The following RYR2 variants were observed in gnomAD, a reference collection of about 807,000 sequenced individuals.
RYR2 encodes the protein ryanodine receptor 2.
A neutral mutation model predicts 601.1 loss-of-function variants in RYR2; 227 were observed. The observed-to-expected ratio is 0.38, with a 90% CI of 0.34 to 0.42. RYR2 has a LOEUF of 0.42. RYR2 is among the 10% of genes least tolerant of loss of function. The pLI is 1.00. For missense variants in RYR2, 4,646 were observed against 6,156.5 expected, an observed-to-expected ratio of 0.75 and a Z score of 8.21; for synonymous variants, 2,223 against 2,175.1, an observed-to-expected ratio of 1.02 and a Z score of -0.61.
chr1:237,238,934 CT>C (rs1685870214), intron 1 of RYR2, among the ~76,000 whole-genome samples: 1 of 152,134 alleles, frequency 6.6e-6, no homozygotes, highest in Non-Finnish European at 1.5e-5. Flanking sequence ...AATGATTGTT[CT>C]ATACCAGTCA....
chr1:237,593,091 T>A (rs1219783049), intron 32 of RYR2, among the ~76,000 whole-genome samples: 1 of 152,120 alleles, frequency 6.6e-6, no homozygotes, highest in Non-Finnish European at 1.5e-5. Context: ...AGCTTCCCTA[T>A]GCTTAATGGA....
chr1:237,671,858 C>T (rs1179474971), intron 58 of RYR2, among the ~76,000 whole-genome samples: 3 of 151,988 alleles, frequency 2.0e-5, no homozygotes, highest in Non-Finnish European at 4.4e-5. Context: ...TGTTATTTTC[C>T]CACTGCCACT....
At chr1:237,602,667 C>A (rs66837875) in intron 35 of RYR2, among the ~76,000 whole-genome samples, 41,458 of 151,724 alleles carry the variant, frequency 0.27, 6,055 homozygotes, top group East Asian at 0.6. Flanking sequence ...TTCAGTGTAA[C>A]CGTAACAAAG....
intron 1 of RYR2, among the ~76,000 whole-genome samples, chr1:237,050,423 C>T (rs1034097516): frequency 2.0e-5 from 3 of 152,186 alleles, no homozygotes; most frequent in Non-Finnish European, 2.9e-5. Flanking sequence ...AGGGGAAACC[C>T]GCATGTGGTC....
Position 237,594,899 on chromosome 1 carries a change from T to TG in RYR2, c.4437-599_4437-598insG, listed in dbSNP as rs1675671451. Among the ~76,000 whole-genome samples, 222 of 23,406 alleles carry TG rather than the reference T, an allele frequency of 9.5e-3. 2 individuals carry two copies. The highest frequency in any genetic ancestry group is 0.013 in the African/African-American group (202 of 15,602). The allele number at this position is 23,406 out of a possible 152,430, so 15.4% of individuals were successfully genotyped here. A position where few individuals can be genotyped will look rare whatever the true frequency, so the allele number is the denominator to read the frequency against. Reference sequence around the variant, plus strand: ...TAATATCACTGGGTTTTTTTTTTTTTTTTTTTTTTTTTTTTTTTTTTTTTT... The same window carrying TG: ...TAATATCACTGGGTTTTTTTTTTTTTGTTTTTTTTTTTTTTTTTTTTTTTTT... On this transcript the variant is annotated intron_variant, in intron 33 of 104. Transcript: ENST00000366574.
chr1:237,809,634 A>G (rs930644082), intron 100 of RYR2, among the ~76,000 whole-genome samples: 1 of 152,176 alleles, frequency 6.6e-6, no homozygotes, highest in African/African-American at 2.4e-5. Flanking sequence ...GACAAAATAT[A>G]TATCACTAGC....
At position 237,773,468 on chromosome 1, in the gene RYR2, G is replaced by A. The variant is rs143649048; in HGVS notation, c.11647-52G>A. The A allele has an allele frequency of 1.8e-3, 2,553 of 1,394,086 alleles. 28 individuals carry two copies. In the African/African-American group the frequency reaches 0.028, roughly 15 times the overall value. The allele number at this position is 1,394,086 out of a possible 1,614,324, so 86.4% of individuals were successfully genotyped here. On this transcript the variant is annotated intron_variant, in intron 86 of 104. Coordinates refer to ENST00000366574, the MANE Select transcript of RYR2 (RefSeq NM_001035.3). ...TAAAGTCCAAGACTGGTTAGTCAATGGTAACTTTAGAATGTGACTTGATAA... is the reference window on the plus strand; with the variant it reads ...TAAAGTCCAAGACTGGTTAGTCAATAGTAACTTTAGAATGTGACTTGATAA...
intron 1 of RYR2, among the ~76,000 whole-genome samples, chr1:237,175,164 A>G (rs1006818510): frequency 6.6e-6 from 1 of 152,220 alleles, no homozygotes; most frequent in Non-Finnish European, 1.5e-5. Context: ...TCTCATTAGC[A>G]TTATATTTTA....
At chr1:237,440,342 C>T (rs149522561) in intron 12 of RYR2, among the ~76,000 whole-genome samples, 47 of 151,960 alleles carry the variant, frequency 3.1e-4, no homozygotes, top group African/African-American at 8.4e-4. Context: ...ATAGAAGACA[C>T]GTAAAGTAAA....
intron 63 of RYR2, among the ~76,000 whole-genome samples, chr1:237,695,306 C>T (rs903652034): frequency 2.6e-5 from 4 of 151,950 alleles, no homozygotes; most frequent in Admixed American, 2.6e-4. Flanking sequence ...TAATTATGTA[C>T]TTTTTATGTT....
intron 1 of RYR2, among the ~76,000 whole-genome samples, chr1:237,084,408 G>A (rs1666077113): frequency 6.6e-6 from 1 of 152,178 alleles, no homozygotes; most frequent in African/African-American, 2.4e-5. Flanking sequence ...AGGGTATTAT[G>A]GAAATTGAAT....
At chr1:237,133,384 T>G (rs558351958) in intron 1 of RYR2, among the ~76,000 whole-genome samples, 1 of 152,134 alleles carries the variant, frequency 6.6e-6, no homozygotes, top group Non-Finnish European at 1.5e-5. Flanking sequence ...CCTTTCTTAC[T>G]TGATATGAAT....
intron 2 of RYR2, among the ~76,000 whole-genome samples, chr1:237,328,582 C>A (rs890773953): frequency 6.6e-6 from 1 of 151,258 alleles, no homozygotes; most frequent in Non-Finnish European, 1.5e-5. Flanking sequence ...ATGGCAGAAG[C>A]CAGAGAAGGA....
At chr1:237,761,163 A>ATG (rs1260578703) in intron 84 of RYR2, 135 bp downstream of exon 84, 5 of 649,170 alleles carry the variant, frequency 7.7e-6, no homozygotes, top group Non-Finnish European at 1.4e-5. Context: ...ACTCATTTCA[A>ATG]AGTTCATAGT....
At chr1:237,044,113 T>C (rs74146691) in intron 1 of RYR2, among the ~76,000 whole-genome samples, 11,666 of 152,180 alleles carry the variant, frequency 0.077, 1,362 homozygotes, top group African/African-American at 0.25. Context: ...GCCTCTTCAC[T>C]AATACCTTGG....
At chr1:237,204,486 CAAAACAAAAACA>C (rs1271197563) in intron 1 of RYR2, among the ~76,000 whole-genome samples, 1 of 129,980 alleles carries the variant, frequency 7.7e-6, no homozygotes, top group Non-Finnish European at 1.6e-5. Flanking sequence ...TTCTTGTTAC[CAAAACAAAAACA>C]AAAACAAAAA....
At chr1:237,331,030 T>C (rs1453041825) in intron 3 of RYR2, 48 bp downstream of exon 3, 1 of 1,427,994 alleles carries the variant, frequency 7.0e-7, no homozygotes, top group Non-Finnish European at 9.9e-7. Context: ...TGAGCTCAGC[T>C]ACTATAGGAA....
intron 11 of RYR2, among the ~76,000 whole-genome samples, chr1:237,420,484 A>G (rs1705448919): frequency 6.6e-6 from 1 of 152,002 alleles, no homozygotes; most frequent in Admixed American, 6.6e-5. Flanking sequence ...TACTATTGCC[A>G]ATTTTAGTTT....
At chr1:237,419,210 T>G (rs1421991909) in intron 11 of RYR2, among the ~76,000 whole-genome samples, 1 of 152,116 alleles carries the variant, frequency 6.6e-6, no homozygotes. Flanking sequence ...TTTTCAAAAT[T>G]TAGAGACATA....
Sources: gnomAD v4.1 joint callset for allele counts (sites outside exome capture counted in the v4.1 genomes callset) on GRCh38, gnomAD v4.1.1 for gene constraint, MANE v1.5 for transcripts, NCBI Gene and HGNC (gene_info 2026-07-23, HGNC 2026-07-21) for gene names.